ARHGEF4: variants seen among roughly 807,000 people sequenced by gnomAD.
The protein encoded by ARHGEF4 is APC-stimulated guanine nucleotide exchange factor 1.
A neutral mutation model predicts 162.0 loss-of-function variants in ARHGEF4; 119 were observed. The observed-to-expected ratio is 0.73, with a 90% CI of 0.63 to 0.86. The LOEUF is 0.86. ARHGEF4 is among the 40% of genes least tolerant of loss of function. The probability of loss-of-function intolerance (pLI) is 0.00; values close to 1 mark genes in which losing one functional copy is unlikely to be tolerated. For synonymous variants in ARHGEF4, 1,014 were observed against 979.9 expected, an observed-to-expected ratio of 1.03 and a Z score of -0.65; for missense variants, 2,488 against 2,456.0, an observed-to-expected ratio of 1.01 and a Z score of -0.28.
intron 4 of ARHGEF4, among the ~76,000 whole-genome samples, chr2:130,980,615 C>T (rs1161198575): frequency 6.6e-6 from 1 of 152,146 alleles, no homozygotes; most frequent in Non-Finnish European, 1.5e-5. Flanking sequence ...ACACACATTT[C>T]TAAGATTGGT....
intron 2 of ARHGEF4, among the ~76,000 whole-genome samples, chr2:130,920,764 C>T (rs1681824774): frequency 6.6e-6 from 1 of 152,194 alleles, no homozygotes; most frequent in African/African-American, 2.4e-5. Context: ...TTGTTGTTTA[C>T]TTCTAGATTT....
At position 130,915,871 on chromosome 2, in the gene ARHGEF4, A is replaced by G; in HGVS notation, c.1925A>G (p.Gln642Arg). 1 of 1,547,812 alleles carries G rather than the reference A, an allele frequency of 6.5e-7. No individual in the cohort carries two copies. The highest frequency in any genetic ancestry group is 8.7e-7 in the Non-Finnish European group (1 of 1,145,784). The change falls in exon 2 of 14, where the codon CAG becomes CGG. Residue 642 changes from glutamine to arginine, a missense_variant. Physicochemically the swap from Gln to Arg is conservative, Grantham distance 43 (BLOSUM62 1). Coordinates refer to ENST00000409359, the MANE Select transcript of ARHGEF4 (RefSeq NM_001367493.1). ...IIVAVEQKGL[Q>R]ASRSNAGPVP... is the part of the protein sequence containing the mutation. ...GTAGCTGTGGAGCAGAAAGGTCTTC[A>G]GGCCAGCAGGAGCAATGCGGGGCCT...
At chr2:130,843,439 G>T (rs1680743186) in intron 1 of ARHGEF4, among the ~76,000 whole-genome samples, 1 of 152,196 alleles carries the variant, frequency 6.6e-6, no homozygotes, top group Non-Finnish European at 1.5e-5. Flanking sequence ...CCCGGCAGGG[G>T]AGCCAGCTGT....
intron 1 of ARHGEF4, among the ~76,000 whole-genome samples, chr2:130,885,782 G>T (rs2104973087): frequency 6.6e-6 from 1 of 151,626 alleles, no homozygotes; most frequent in East Asian, 2.0e-4. Context: ...ATGTTGGCCA[G>T]GCTGGTCCAG....
At chr2:130,871,442 A>G (rs1339902518) in intron 1 of ARHGEF4, among the ~76,000 whole-genome samples, 2 of 152,034 alleles carry the variant, frequency 1.3e-5, no homozygotes, top group African/African-American at 2.4e-5. Context: ...AGACTGAGGC[A>G]GGAGAATTGC....
intron 4 of ARHGEF4, among the ~76,000 whole-genome samples, chr2:130,972,901 GT>G (rs1327409814): frequency 2.0e-5 from 3 of 152,228 alleles, no homozygotes; most frequent in Non-Finnish European, 4.4e-5. Context: ...AAAGAAGATA[GT>G]TAACATTACA....
chr2:130,987,651 G>A (rs912684411), intron 4 of ARHGEF4, among the ~76,000 whole-genome samples: 1 of 152,148 alleles, frequency 6.6e-6, no homozygotes, highest in South Asian at 2.1e-4. Context: ...CCTCTTGTAA[G>A]ACAGGAAAGT....
At chr2:131,045,281 C>G in intron 12 of ARHGEF4, 88 bp from the exon 13 acceptor site, 1 of 1,245,998 alleles carries the variant, frequency 8.0e-7, no homozygotes, top group Non-Finnish European at 1.1e-6. Flanking sequence ...ATGATGAGAC[C>G]CTGGGCACCA....
intron 3 of ARHGEF4, among the ~76,000 whole-genome samples, chr2:130,944,765 C>T (rs968832369): frequency 1.1e-4 from 16 of 152,080 alleles, no homozygotes; most frequent in Non-Finnish European, 2.1e-4. Context: ...TGTTGACTAT[C>T]TTTTCCCTTA....
At chr2:130,849,799 A>G (rs1415992214) in intron 1 of ARHGEF4, among the ~76,000 whole-genome samples, 4 of 152,138 alleles carry the variant, frequency 2.6e-5, no homozygotes. Flanking sequence ...TTGTGACCTC[A>G]AGTGATCCAC....
intron 3 of ARHGEF4, 52 bp from the exon 4 acceptor site, chr2:130,946,457 G>C: frequency 6.4e-7 from 1 of 1,566,182 alleles, no homozygotes; most frequent in Non-Finnish European, 8.7e-7. Context: ...GGCAATGACA[G>C]CCTGTCATTT....
chr2:130,993,574 T>C (rs1687190983), intron 4 of ARHGEF4, among the ~76,000 whole-genome samples: 1 of 152,146 alleles, frequency 6.6e-6, no homozygotes, highest in Non-Finnish European at 1.5e-5. Flanking sequence ...TTCTATTTGC[T>C]TTATGTATTT....
chr2:130,910,769 C>G (rs1681133713), intron 1 of ARHGEF4, among the ~76,000 whole-genome samples: 1 of 152,170 alleles, frequency 6.6e-6, no homozygotes, highest in Non-Finnish European at 1.5e-5. Context: ...TTCAAAAAAT[C>G]AGTATCACAC....
At chr2:130,992,817 A>C (rs1219274120) in intron 4 of ARHGEF4, among the ~76,000 whole-genome samples, 1 of 152,194 alleles carries the variant, frequency 6.6e-6, no homozygotes, top group Non-Finnish European at 1.5e-5. Context: ...GGTTCAGTAC[A>C]TCACACCTGT....
At chr2:131,013,308 AT>A (rs1166684301) in intron 4 of ARHGEF4, among the ~76,000 whole-genome samples, 2 of 152,196 alleles carry the variant, frequency 1.3e-5, no homozygotes. Context: ...GTCTGCATGA[AT>A]TTTAATCCAA....
intron 4 of ARHGEF4, among the ~76,000 whole-genome samples, chr2:130,951,777 T>G (rs756505157): frequency 6.6e-6 from 1 of 152,218 alleles, no homozygotes; most frequent in Non-Finnish European, 1.5e-5. Flanking sequence ...TATACTAGCT[T>G]AATTCCAGTA....
intron 4 of ARHGEF4, among the ~76,000 whole-genome samples, chr2:131,019,278 G>A (rs1033869751): frequency 6.6e-6 from 1 of 152,062 alleles, no homozygotes; most frequent in Non-Finnish European, 1.5e-5. Context: ...TCGGTGTGGT[G>A]TCACATGCCT....
At position 131,039,747 on chromosome 2, in the gene ARHGEF4, CCT is replaced by C. The variant is rs1690614801; in HGVS notation, c.4306-266_4306-265del. The C allele has an allele frequency of 2.2e-6, 3 of 1,359,834 alleles. No individual in the cohort carries two copies. The African/African-American group carries it at 4.7e-5, about 21-fold the overall frequency. The allele number at this position is 1,359,834 out of a possible 1,614,324, so 84.2% of individuals were successfully genotyped here. ...TCAGGAACTGCAGCAAGCGCTCCAG[CCT>C]CTGTGCCGGGCACAAGCAGGGTCTA... is the stretch of plus-strand genomic sequence containing the variant. On this transcript the variant is annotated intron_variant, in intron 6 of 13. Transcript: ENST00000409359.
intron 4 of ARHGEF4, among the ~76,000 whole-genome samples, chr2:131,006,882 A>G (rs924653655): frequency 6.6e-6 from 1 of 152,240 alleles, no homozygotes; most frequent in Admixed American, 6.5e-5. Context: ...AATGGGGCCA[A>G]AAGTAGGCCA....
Sources: gnomAD v4.1 joint callset for allele counts (sites outside exome capture counted in the v4.1 genomes callset) on GRCh38, gnomAD v4.1.1 for gene constraint, MANE v1.5 for transcripts, NCBI Gene and HGNC (gene_info 2026-07-23, HGNC 2026-07-21) for gene names.